Variants in GRK3 observed in about 807,000 individuals in gnomAD.
The protein encoded by GRK3 is G protein-coupled receptor kinase 3, also known as adrenergic, beta, receptor kinase 2.
In GRK3, 54 loss-of-function variants were observed where a neutral mutation model predicts 95.7. The observed-to-expected ratio is 0.56, with a 90% CI of 0.45 to 0.71. The LOEUF is 0.71. GRK3 is among the 30% of genes least tolerant of loss of function. The pLI is 0.00. For missense variants in GRK3, 649 were observed against 851.2 expected, an observed-to-expected ratio of 0.76 and a Z score of 2.96; for synonymous variants, 281 against 290.8, an observed-to-expected ratio of 0.97 and a Z score of 0.34.
chr22:25,648,703 A>G (rs2084805690), intron 3 of GRK3: 1 of 1,033,124 alleles, frequency 9.7e-7, no homozygotes, highest in East Asian at 2.4e-5. Flanking sequence ...GATGGAAAGT[A>G]TTTGAAGCTT....
At chr22:25,656,531 TGCCCAGGC>T in intron 3 of GRK3, among the ~76,000 whole-genome samples, 1 of 152,128 alleles carries the variant, frequency 6.6e-6, no homozygotes, top group Admixed American at 6.6e-5. Flanking sequence ...CTCACTGTGT[TGCCCAGGC>T]TGGTCTTGAA....
intron 15 of GRK3, among the ~76,000 whole-genome samples, chr22:25,706,233 A>G (rs934845714): frequency 2.0e-5 from 3 of 152,312 alleles, no homozygotes; most frequent in Middle Eastern, 3.4e-3. Context: ...CAGGGGTTTT[A>G]CCCCATGTTA....
intron 9 of GRK3, among the ~76,000 whole-genome samples, chr22:25,680,719 TG>T (rs1018333879): frequency 2.6e-5 from 4 of 152,174 alleles, no homozygotes; most frequent in African/African-American, 4.8e-5. Flanking sequence ...CAAAACTGTA[TG>T]GTATTTTTAA....
At chr22:25,574,705 T>A (rs1601444453) in intron 1 of GRK3, among the ~76,000 whole-genome samples, 3 of 152,216 alleles carry the variant, frequency 2.0e-5, no homozygotes, top group Admixed American at 2.0e-4. Flanking sequence ...CTAAGTAAGA[T>A]CAAGGGACTT....
chr22:25,685,252 A>G lies in GRK3; in HGVS notation c.826+4A>G. On this transcript the variant is annotated splice_donor_region_variant and intron_variant, in intron 10 of 20. Coordinates refer to ENST00000324198, the MANE Select transcript of GRK3 (RefSeq NM_005160.4). ...TTCATCCTGGATCTGATGAACGGTA[A>G]GCAAAACTTGGAAAATCTGAATGCC... The G allele has an allele frequency of 1.9e-6, 3 of 1,609,222 alleles. No homozygotes were observed. The highest frequency in any genetic ancestry group is 2.6e-6 in the Non-Finnish European group (3 of 1,175,556).
chr22:25,696,740 C>G (rs2096838995), intron 13 of GRK3, among the ~76,000 whole-genome samples: 1 of 152,302 alleles, frequency 6.6e-6, no homozygotes, highest in African/African-American at 2.4e-5. Flanking sequence ...TTCTGAGCAC[C>G]CTCTGTTTCG....
At chr22:25,627,336 C>T (rs1488839244) in intron 2 of GRK3, among the ~76,000 whole-genome samples, 1 of 152,208 alleles carries the variant, frequency 6.6e-6, no homozygotes, top group South Asian at 2.1e-4. Flanking sequence ...AGGCTGGATC[C>T]CTTAGCCTGG....
Position 25,645,584 on chromosome 22 carries a change from A to G in GRK3, c.264+919A>G, listed in dbSNP as rs148387655. On this transcript the variant is annotated intron_variant, in intron 3 of 20. Transcript: ENST00000324198. ...CAGAACTGACTCCAGTGCTAAGGAAATAAAAGTGTCTCCTTGAACTCCATA... is the reference window on the plus strand; with the variant it reads ...CAGAACTGACTCCAGTGCTAAGGAAGTAAAAGTGTCTCCTTGAACTCCATA... Among the ~76,000 whole-genome samples the G allele has an allele frequency of 5.5e-4, 84 of 152,340 alleles. No individual in the cohort carries two copies. The East Asian group carries it at 5.8e-3, about 10-fold the overall frequency.
chr22:25,694,418 A>G (rs1261655098), intron 12 of GRK3, among the ~76,000 whole-genome samples: 2 of 152,234 alleles, frequency 1.3e-5, no homozygotes, highest in Non-Finnish European at 2.9e-5. Flanking sequence ...TTCGAATTGC[A>G]GATGGTGCAG....
intron 4 of GRK3, 28 bp from the exon 5 acceptor site, chr22:25,663,602 T>G: frequency 6.7e-7 from 1 of 1,496,574 alleles, no homozygotes; most frequent in Non-Finnish European, 9.2e-7. Flanking sequence ...ATTTTATTAT[T>G]TAAAAATATT....
chr22:25,645,822 G>C (rs1312460207), intron 3 of GRK3, among the ~76,000 whole-genome samples: 7 of 152,050 alleles, frequency 4.6e-5, no homozygotes, highest in Admixed American at 1.3e-4. Context: ...TCGGGAGGCT[G>C]AGGCAGGAGA....
intron 2 of GRK3, among the ~76,000 whole-genome samples, chr22:25,611,945 G>C (rs1244504318): frequency 6.7e-6 from 1 of 148,516 alleles, no homozygotes; most frequent in African/African-American, 2.5e-5. Flanking sequence ...TGATTCTCCT[G>C]TCTCAGCCTC....
intron 1 of GRK3, among the ~76,000 whole-genome samples, chr22:25,569,693 C>CATTAAAT (rs1931615660): frequency 6.6e-6 from 1 of 152,206 alleles, no homozygotes. Context: ...AAATAGCTAG[C>CATTAAAT]AGGACGCCTG....
At position 25,567,827 on chromosome 22, in the gene GRK3, C is replaced by T. The variant is rs1160281375; in HGVS notation, c.113+2674C>T. On this transcript the variant is annotated intron_variant, in intron 1 of 20. Transcript: ENST00000324198. Reference sequence around the variant, plus strand: ...AGTTTTAAACAGAAGAGCATCAGAACGAAATATCTAGCTAATTTAAATGAA... The same window carrying T: ...AGTTTTAAACAGAAGAGCATCAGAATGAAATATCTAGCTAATTTAAATGAA... Among the ~76,000 whole-genome samples the T allele has an allele frequency of 7.2e-5, 11 of 152,166 alleles. No homozygotes were observed. In the South Asian group the frequency reaches 8.3e-4, roughly 11 times the overall value.
At chr22:25,690,664 A>C (rs934785447) in intron 12 of GRK3, among the ~76,000 whole-genome samples, 1 of 152,158 alleles carries the variant, frequency 6.6e-6, no homozygotes. Flanking sequence ...GTGCCTAGAA[A>C]GGCACCGGGG....
chr22:25,565,282 C>A, intron 1 of GRK3, 129 bp downstream of exon 1: 1 of 430,968 alleles, frequency 2.3e-6, no homozygotes, highest in Non-Finnish European at 4.1e-6. Flanking sequence ...GCGGAGCGGG[C>A]GATGCGGGGC....
intron 19 of GRK3, among the ~76,000 whole-genome samples, chr22:25,718,748 C>G (rs1463282860): frequency 6.6e-6 from 1 of 152,172 alleles, no homozygotes; most frequent in African/African-American, 2.4e-5. Context: ...TTGAACACGT[C>G]ACATTGACTC....
At chr22:25,571,464 C>A (rs1416092883) in intron 1 of GRK3, among the ~76,000 whole-genome samples, 1 of 152,052 alleles carries the variant, frequency 6.6e-6, no homozygotes, top group Admixed American at 6.6e-5. Flanking sequence ...AAAAATTACC[C>A]ATATTGAATT....
Position 25,632,907 on chromosome 22 carries a change from C to G in GRK3, c.191-11685C>G, listed in dbSNP as rs139668721. 5.9e-5 allele frequency among the ~76,000 whole-genome samples: 9 copies of G among 151,888 alleles called. No individual in the cohort carries two copies. In the East Asian group the frequency reaches 1.6e-3, roughly 26 times the overall value. ...GGATTACTGTATCTTTATAATATAT[C>G]CTTTTTGTTTTTTTGTTTTTAGAGA... On this transcript the variant is annotated intron_variant, in intron 2 of 20. Transcript: ENST00000324198.
Sources: gnomAD v4.1 joint callset for allele counts (sites outside exome capture counted in the v4.1 genomes callset) on GRCh38, gnomAD v4.1.1 for gene constraint, MANE v1.5 for transcripts, NCBI Gene and HGNC (gene_info 2026-07-23, HGNC 2026-07-21) for gene names.